The following TRAPPC9 variants were observed in gnomAD, a reference collection of about 807,000 sequenced individuals.
The protein encoded by TRAPPC9 is IKK2 binding protein.
In TRAPPC9, 83 loss-of-function variants were observed where a neutral mutation model predicts 124.0. The observed-to-expected ratio is 0.67, with a 90% confidence interval of 0.56 to 0.80. The LOEUF is 0.80. Ranked by LOEUF, TRAPPC9 falls within the 30% of genes least tolerant of loss-of-function variation. TRAPPC9 has a pLI of 0.00. For missense variants in TRAPPC9, 1,302 were observed against 1,508.3 expected (o/e 0.86, Z 2.27); for synonymous variants, 638 against 617.5 (o/e 1.03, Z -0.49).
Position 139,756,571 on chromosome 8 carries a change from G to A in TRAPPC9, c.3056-24369C>T, listed in dbSNP as rs1423213700. ...GGTTTGGGGATGAGGACAGCAGGTC[G>A]CAGGAGGAGCCCGGGATGGGGTATA... On this transcript the variant is annotated intron_variant, in intron 21 of 22. Transcript: ENST00000438773. 2.2e-4 allele frequency among the ~76,000 whole-genome samples: 30 copies of A among 136,024 alleles called. No individual in the cohort carries two copies. In the South Asian group the frequency reaches 3.0e-3, roughly 14 times the overall value. The allele number at this position is 136,024 out of a possible 152,430, so 89.2% of individuals were successfully genotyped here.
At chr8:139,793,662 G>A (rs1822854275) in intron 21 of TRAPPC9, among the ~76,000 whole-genome samples, 1 of 152,178 alleles carries the variant, frequency 6.6e-6, no homozygotes, top group Admixed American at 6.5e-5. Context: ...CTTCCCTGAG[G>A]GCTGAAGTCG....
chr8:139,830,563 A>AATACACATGCACACAC (rs1281354223), intron 21 of TRAPPC9, among the ~76,000 whole-genome samples: 1 of 151,378 alleles, frequency 6.6e-6, no homozygotes, highest in Non-Finnish European at 1.5e-5. Context: ...AGCACATGCA[A>AATACACATGCACACAC]ATACACATGC....
At chr8:139,842,372 G>T (rs1382199017) in intron 21 of TRAPPC9, among the ~76,000 whole-genome samples, 2 of 152,166 alleles carry the variant, frequency 1.3e-5, no homozygotes, top group East Asian at 3.9e-4. Context: ...TGAGGAGAAG[G>T]CTTCCAGCCA....
chr8:139,768,106 G>A (rs998709639), intron 21 of TRAPPC9, among the ~76,000 whole-genome samples: 15 of 152,154 alleles, frequency 9.9e-5, no homozygotes, highest in African/African-American at 3.6e-4. Flanking sequence ...AAAATATGGG[G>A]GGATGGGCTA....
At position 140,283,966 on chromosome 8, in the gene TRAPPC9, C is replaced by T. The variant is rs371880751; in HGVS notation, c.2037G>A (p.Pro679=). 2.8e-5 allele frequency: 45 copies of T among 1,614,146 alleles called. No homozygotes were observed. In the Admixed American group the frequency reaches 3.3e-4, roughly 12 times the overall value. The change falls in exon 14 of 23, where the codon CCG becomes CCA. Residue 679 remains proline, a synonymous_variant. Transcript: ENST00000438773. ...CTGTGGAGCCACTGGTTTTTATTCC[C>T]GGCAGGTTATCCAGCAAACAGTCAC... ...VFSDCLLDNL[P]GIKTSGSTVE...
At chr8:140,384,561 A>G (rs995249031) in intron 7 of TRAPPC9, among the ~76,000 whole-genome samples, 2 of 152,252 alleles carry the variant, frequency 1.3e-5, no homozygotes, top group African/African-American at 2.4e-5. Flanking sequence ...AAAGAGACAA[A>G]GAAGGCCATT....
chr8:140,283,935 C>G lies in TRAPPC9; in HGVS notation c.2068G>C (p.Val690Leu). Reference protein sequence around the residue: ...GIKTSGSTVEVIPALPRLQIS... With the variant: ...GIKTSGSTVELIPALPRLQIS... ...TGCAGTCTTGGCAACGCGGGAATGA[C>G]TTCCACTGTGGAGCCACTGGTTTTT... The change falls in exon 14 of 23, where the codon GTC (valine) becomes CTC (leucine). Residue 690 changes from valine (V) to leucine (L), a missense_variant. Physicochemically the swap from Val to Leu is conservative, Grantham distance 32 (BLOSUM62 1). This residue lies in a region of TRAPPC9 where 640 missense variants were observed against 679.3 expected (regional missense o/e 0.94). Coordinates refer to ENST00000438773, the MANE Select transcript of TRAPPC9 (RefSeq NM_001160372.4). The G allele has an allele frequency of 1.2e-6, 2 of 1,614,160 alleles. No individual in the cohort carries two copies. The highest frequency in any genetic ancestry group is 1.7e-6 in the Non-Finnish European group (2 of 1,180,042).
chr8:140,359,966 G>C lies in TRAPPC9; in HGVS notation c.1495+84C>G, dbSNP rs2067892858. On this transcript the variant is annotated intron_variant, in intron 9 of 22. Transcript: ENST00000438773. ...GCATCTTCCACCCACTGAAACCCAA[G>C]CCCAGGGTTTACATGAACCAGCATC... The C allele has an allele frequency of 5.6e-6, 9 of 1,597,262 alleles. No individual in the cohort carries two copies. In the South Asian group the frequency reaches 8.9e-5, roughly 16 times the overall value.
Position 140,080,670 on chromosome 8 carries a change from G to A in TRAPPC9, c.2557-56591C>T, listed in dbSNP as rs1292281271. ...AGCCCCCATGACCCAATCACCTCCC[G>A]CTAGGCCCCACCTCCCAACACTGCC... is the stretch of plus-strand genomic sequence containing the variant. On this transcript the variant is annotated intron_variant, in intron 17 of 22. Coordinates refer to ENST00000438773, the MANE Select transcript of TRAPPC9 (RefSeq NM_001160372.4). Among the ~76,000 whole-genome samples the A allele has an allele frequency of 5.3e-5, 8 of 152,080 alleles. No homozygotes were observed. The East Asian group carries it at 5.8e-4, about 11-fold the overall frequency.
intron 21 of TRAPPC9, among the ~76,000 whole-genome samples, chr8:139,836,837 G>C (rs1826390022): frequency 6.6e-6 from 1 of 152,116 alleles, no homozygotes; most frequent in Non-Finnish European, 1.5e-5. Context: ...CTCGATGTTT[G>C]CCATCATTGC....
At chr8:139,916,241 T>C (rs1832121363) in intron 19 of TRAPPC9, among the ~76,000 whole-genome samples, 1 of 152,224 alleles carries the variant, frequency 6.6e-6, no homozygotes, top group Non-Finnish European at 1.5e-5. Flanking sequence ...GGTTTAGTTT[T>C]TTAAATCTGA....
chr8:140,055,855 T>C (rs11779476), intron 17 of TRAPPC9, among the ~76,000 whole-genome samples: 74,856 of 151,946 alleles, frequency 0.49, 18,975 homozygotes, highest in Middle Eastern at 0.58. Context: ...AAATTAAAGA[T>C]ACAAATGAAT....
At chr8:140,227,788 C>T (rs2131356068) in intron 16 of TRAPPC9, among the ~76,000 whole-genome samples, 1 of 152,352 alleles carries the variant, frequency 6.6e-6, no homozygotes, top group South Asian at 2.1e-4. Context: ...TCTTCACACC[C>T]TGCAAAGTCA....
At chr8:139,898,420 T>C (rs1830801121) in intron 20 of TRAPPC9, among the ~76,000 whole-genome samples, 1 of 152,212 alleles carries the variant, frequency 6.6e-6, no homozygotes, top group South Asian at 2.1e-4. Flanking sequence ...GAATGAATGA[T>C]TTTTTCCAGG....
In TRAPPC9 at chr8:140,236,860, G is replaced by A. The variant is rs190266934; in HGVS notation, c.2432-15277C>T. ...GTCCCAGTCAATATTCTAACATACTGCTTTGAGGAACTTGACAAACTGATT... is the reference window on the plus strand; with the variant it reads ...GTCCCAGTCAATATTCTAACATACTACTTTGAGGAACTTGACAAACTGATT... On this transcript the variant is annotated intron_variant, in intron 16 of 22. Coordinates refer to ENST00000438773, the MANE Select transcript of TRAPPC9 (RefSeq NM_001160372.4). Among the ~76,000 whole-genome samples the A allele has an allele frequency of 7.9e-4, 121 of 152,260 alleles. 1 individual carries two copies. The highest frequency in any genetic ancestry group is 2.8e-3 in the African/African-American group (118 of 41,554).
chr8:140,090,511 G>A lies in TRAPPC9; in HGVS notation c.2557-66432C>T, dbSNP rs117285621. Among the ~76,000 whole-genome samples, 328 of 152,334 alleles carry A rather than the reference G, an allele frequency of 2.2e-3. 3 individuals are homozygous for A. In the East Asian group the frequency reaches 0.026, roughly 12 times the overall value. ...AACCTATTATCTTAGCTCCACTGGCGTATTACCAAGAACCAGGTGACTCAT... is the reference window on the plus strand; with the variant it reads ...AACCTATTATCTTAGCTCCACTGGCATATTACCAAGAACCAGGTGACTCAT... On this transcript the variant is annotated intron_variant, in intron 17 of 22. Coordinates refer to ENST00000438773, the MANE Select transcript of TRAPPC9 (RefSeq NM_001160372.4).
Position 139,728,501 on chromosome 8 carries a change from A to C in TRAPPC9, c.*2560T>G, listed in dbSNP as rs1006348900. ...GAGGATACTGCGCTGTCACTGAGACACCTGCCCCAGGTCCTCCATCTCAGC... is the reference window on the plus strand; with the variant it reads ...GAGGATACTGCGCTGTCACTGAGACCCCTGCCCCAGGTCCTCCATCTCAGC... On this transcript the variant is annotated 3_prime_UTR_variant, in exon 23 of 23. Transcript: ENST00000438773. Among the ~76,000 whole-genome samples the C allele has an allele frequency of 6.6e-6, 1 of 152,196 alleles. No homozygotes were observed. Among genetic ancestry groups the C allele is most frequent in the Non-Finnish European group, 1.5e-5 (1 of 68,038 alleles).
At chr8:139,732,345 G>T in intron 21 of TRAPPC9, 143 bp from the exon 22 acceptor site, 1 of 759,534 alleles carries the variant, frequency 1.3e-6, no homozygotes, top group Non-Finnish European at 2.1e-6. Flanking sequence ...TGGACACTGG[G>T]GACACAGATG....
chr8:139,976,921 T>C (rs960218179), intron 19 of TRAPPC9, among the ~76,000 whole-genome samples: 13 of 151,844 alleles, frequency 8.6e-5, no homozygotes, highest in African/African-American at 3.1e-4. Flanking sequence ...GACAAACTGG[T>C]GAGCTGCCAG....
Sources: gnomAD v4.1 joint callset for allele counts (sites outside exome capture counted in the v4.1 genomes callset) on GRCh38, gnomAD v4.1.1 for gene constraint, gnomAD v4.1.1 regional missense constraint, MANE v1.5 for transcripts, NCBI Gene and HGNC (gene_info 2026-07-23, HGNC 2026-07-21) for gene names.